Variants in MTFR1 observed in about 807,000 individuals in gnomAD.
The protein encoded by MTFR1 is mitochondrial fission regulator 1.
A neutral mutation model predicts 38.8 loss-of-function variants in MTFR1; 28 were observed. The observed-to-expected ratio is 0.72, with a 90% CI of 0.53 to 0.99. The LOEUF (loss-of-function observed/expected upper bound fraction) is 0.99, where lower values mean the gene tolerates loss of function less well. MTFR1 is among the 50% of genes least tolerant of loss of function. The pLI is 0.00. For synonymous variants in MTFR1, 145 were observed against 137.0 expected (o/e 1.06, Z -0.41); for missense variants, 358 against 395.5 (o/e 0.91, Z 0.81).
At chr8:65,690,204 T>C (rs962270291) in intron 3 of MTFR1, among the ~76,000 whole-genome samples, 7 of 152,264 alleles carry the variant, frequency 4.6e-5, no homozygotes, top group Middle Eastern at 3.4e-3. Flanking sequence ...ATCCTGAAAA[T>C]GAGTTAACTT....
At chr8:65,705,121 C>T (rs61063663) in intron 5 of MTFR1, among the ~76,000 whole-genome samples, 192 bp downstream of exon 5, 1 of 151,986 alleles carries the variant, frequency 6.6e-6, no homozygotes, top group East Asian at 1.9e-4. Context: ...GTCAGGAGAC[C>T]GAGACCATCC....
At chr8:65,726,766 A>G in intron 3 of MTFR1, 1 of 601,462 alleles carries the variant, frequency 1.7e-6, no homozygotes, top group South Asian at 2.4e-5. Flanking sequence ...ACAAACACTG[A>G]AAACTGTGGA....
intron 1 of MTFR1, among the ~76,000 whole-genome samples, chr8:65,668,823 T>A (rs17395190): frequency 0.042 from 6,319 of 152,220 alleles, 195 homozygotes; most frequent in Non-Finnish European, 0.063. Flanking sequence ...CTTAAGCAAG[T>A]TTTTATTGAT....
intron 3 of MTFR1, among the ~76,000 whole-genome samples, chr8:65,748,514 G>A (rs982001188): frequency 6.6e-6 from 1 of 152,186 alleles, no homozygotes; most frequent in Non-Finnish European, 1.5e-5. Context: ...TTGGGCACCA[G>A]ATGAAATGAC....
Position 65,708,032 on chromosome 8 carries a change from T to G in MTFR1, c.933+21T>G. 2 of 1,609,702 alleles carry G rather than the reference T, an allele frequency of 1.2e-6. No individual in the cohort carries two copies. Among genetic ancestry groups the G allele is most frequent in the Admixed American group, 3.3e-5 (2 of 60,020 alleles). On this transcript the variant is annotated intron_variant, in intron 7 of 7. Transcript: ENST00000262146. Reference sequence around the variant, plus strand: ...TGTTGGTGAGTTATTTGCCCAGATTTCTTTCCTGTTATGTAGAAATCCATC... The same window carrying G: ...TGTTGGTGAGTTATTTGCCCAGATTGCTTTCCTGTTATGTAGAAATCCATC...
At chr8:65,769,161 T>C (rs1585899645) in intron 3 of MTFR1, among the ~76,000 whole-genome samples, 1 of 150,376 alleles carries the variant, frequency 6.6e-6, no homozygotes, top group South Asian at 2.1e-4. Flanking sequence ...GGCATGAGAA[T>C]TGCTTGAACC....
rs534998924 is a variant in MTFR1 at position 65,664,662 on chromosome 8, C to G, written c.-80-5211C>G. On this transcript the variant is annotated intron_variant, in intron 1 of 7. Transcript: ENST00000262146. ...CCCAGGCTGGAGTACAGTGGCACAACCTCAGCCCATTGCAACTTTTGCCTC... is the reference window on the plus strand; with the variant it reads ...CCCAGGCTGGAGTACAGTGGCACAAGCTCAGCCCATTGCAACTTTTGCCTC... 1.4e-4 allele frequency among the ~76,000 whole-genome samples: 21 copies of G among 146,740 alleles called. No homozygotes were observed. The South Asian group carries it at 4.6e-3, about 32-fold the overall frequency.
intron 1 of MTFR1, among the ~76,000 whole-genome samples, chr8:65,648,890 A>G (rs944760061): frequency 6.6e-6 from 1 of 152,118 alleles, no homozygotes; most frequent in Non-Finnish European, 1.5e-5. Context: ...TGATGCTATC[A>G]TAGCTCTAAG....
intron 2 of MTFR1, among the ~76,000 whole-genome samples, chr8:65,715,893 CAGG>C (rs1467099934): frequency 6.9e-6 from 1 of 144,106 alleles, no homozygotes; most frequent in Non-Finnish European, 1.5e-5. Context: ...GAGACTGAGG[CAGG>C]AGAATGAGGA....
At chr8:65,725,303 G>C (rs1404896691) in intron 3 of MTFR1, 1 of 157,768 alleles carries the variant, frequency 6.3e-6, no homozygotes, top group Non-Finnish European at 1.4e-5. Flanking sequence ...AACAACTTTG[G>C]TTTGCTTTTT....
chr8:65,676,886 C>T (rs1189964275), intron 2 of MTFR1, among the ~76,000 whole-genome samples: 1 of 152,080 alleles, frequency 6.6e-6, no homozygotes, highest in African/African-American at 2.4e-5. Context: ...AAACTACTTT[C>T]CTGTTGTCAT....
Position 65,704,777 on chromosome 8 carries a change from A to C in MTFR1, c.365A>C (p.Asp122Ala). 1 of 1,614,082 alleles carries C rather than the reference A, an allele frequency of 6.2e-7. No homozygotes were observed. The highest frequency in any genetic ancestry group is 8.5e-7 in the Non-Finnish European group (1 of 1,179,998). The change falls in exon 5 of 8, where the codon GAC becomes GCC. Residue 122 changes from aspartate to alanine, a missense_variant. Asp to Ala is a moderately radical substitution (Grantham distance 126). Coordinates refer to ENST00000262146, the MANE Select transcript of MTFR1 (RefSeq NM_014637.4). ...CCAAGCAGACAGATTTCCTTACCAG[A>C]CTTGTCTCAAGAAGAGCCTCAGCTG... ...KAPSRQISLP[D>A]LSQEEPQLKT...
At chr8:65,745,381 T>G (rs1344258631) in intron 3 of MTFR1, 1 of 1,348,604 alleles carries the variant, frequency 7.4e-7, no homozygotes, top group African/African-American at 1.4e-5. Context: ...CTACATTAAC[T>G]TGAGCAAGTC....
rs1005956444 is a variant in MTFR1 at position 65,644,797 on chromosome 8, G to T, written c.-81+13G>T. 6 of 152,728 alleles carry T rather than the reference G, an allele frequency of 3.9e-5. No individual in the cohort carries two copies. Among genetic ancestry groups the T allele is most frequent in the African/African-American group, 1.2e-4 (5 of 41,470 alleles). 9.5% of individuals were successfully genotyped at this position (152,728 alleles called of 1,614,324 possible). On this transcript the variant is annotated intron_variant, in intron 1 of 7. Coordinates refer to ENST00000262146, the MANE Select transcript of MTFR1 (RefSeq NM_014637.4). ...CCGCGCGGCCGAGGTGAGTAGGGTG[G>T]GAACTCGGAAAAGCGGTTGGCTAGC...
chr8:65,739,551 T>C lies in MTFR1; in HGVS notation c.*48+20070T>C, dbSNP rs747685275. 27 of 1,567,568 alleles carry C rather than the reference T, an allele frequency of 1.7e-5. No homozygotes were observed. The African/African-American group carries it at 2.1e-4, about 12-fold the overall frequency. Reference sequence around the variant, plus strand: ...TATCTAAATGGAAGTACTCAATTAATCCATGAAGACTAAATAAATGAAAGG... The same window carrying C: ...TATCTAAATGGAAGTACTCAATTAACCCATGAAGACTAAATAAATGAAAGG... On this transcript the variant is annotated intron_variant, in intron 3 of 3. Coordinates refer to the MTFR1 transcript ENST00000521247.
At chr8:65,758,268 C>T (rs1170772113) in intron 3 of MTFR1, among the ~76,000 whole-genome samples, 2 of 152,112 alleles carry the variant, frequency 1.3e-5, no homozygotes, top group Non-Finnish European at 1.5e-5. Context: ...CCCATCAGGC[C>T]CTCAGGAATT....
At chr8:65,684,339 G>A (rs1316985643) in intron 3 of MTFR1, among the ~76,000 whole-genome samples, 3 of 152,060 alleles carry the variant, frequency 2.0e-5, no homozygotes, top group East Asian at 1.9e-4. Context: ...AGTGAGAGAC[G>A]GAAGCCATTT....
At chr8:65,740,840 G>A (rs1394906866) in intron 3 of MTFR1, among the ~76,000 whole-genome samples, 2 of 151,984 alleles carry the variant, frequency 1.3e-5, no homozygotes, top group Non-Finnish European at 2.9e-5. Context: ...TCAGCATTCA[G>A]ACATGTTCTA....
intron 2 of MTFR1, among the ~76,000 whole-genome samples, chr8:65,671,560 AG>A (rs139097567): frequency 7.3e-5 from 11 of 150,804 alleles, no homozygotes; most frequent in Non-Finnish European, 1.5e-4. Flanking sequence ...AAAAAAAAAA[AG>A]AACTTCACTT....
Sources: allele counts gnomAD v4.1 joint callset (sites outside exome capture counted in the v4.1 genomes callset), GRCh38; gene constraint gnomAD v4.1.1; transcripts MANE v1.5; gene names NCBI Gene and HGNC (gene_info 2026-07-23, HGNC 2026-07-21).